EREG: variants seen among roughly 807,000 people sequenced by gnomAD.
The protein encoded by EREG is epiregulin.
EREG carries 23 observed loss-of-function variants against 22.4 expected under a neutral mutation model. That is an observed-to-expected ratio of 1.03 (90% CI 0.74 to 1.46). EREG has a LOEUF of 1.46. EREG is among the 40% of genes most tolerant of loss of function. The pLI is 0.00. For missense variants in EREG, 226 were observed against 205.9 expected, an observed-to-expected ratio of 1.10 and a Z score of -0.60; for synonymous variants, 100 against 75.4, an observed-to-expected ratio of 1.33 and a Z score of -1.69.
rs1355020650 is a variant in EREG at position 74,386,433 on chromosome 4, CA to C, written c.*1626del. 6.6e-6 allele frequency: 1 copy of C among 152,188 alleles called. No homozygotes were observed. Among genetic ancestry groups the C allele is most frequent in the Admixed American group, 6.5e-5 (1 of 15,278 alleles). 9.4% of individuals were successfully genotyped at this position (152,188 alleles called of 1,614,324 possible). A position where few individuals can be genotyped will look rare whatever the true frequency, so the allele number is the denominator to read the frequency against. On this transcript the variant is annotated 3_prime_UTR_variant, in exon 5 of 5. Coordinates refer to ENST00000244869, the MANE Select transcript of EREG (RefSeq NM_001432.3). ...TGGCCCTTACTATTAGGAAAATAAACAGACAAAAACAAGTAAATATATATGG... is the reference window on the plus strand; with the variant it reads ...TGGCCCTTACTATTAGGAAAATAAACGACAAAAACAAGTAAATATATATGG...
chr4:74,379,755 T>A (rs541401326), intron 2 of EREG, among the ~76,000 whole-genome samples: 1 of 152,308 alleles, frequency 6.6e-6, no homozygotes, highest in East Asian at 1.9e-4. Context: ...GATTTGATTG[T>A]GAAGAGATAG....
intron 4 of EREG, 138 bp from the exon 5 acceptor site, chr4:74,384,589 A>G: frequency 4.6e-6 from 2 of 435,410 alleles, no homozygotes; most frequent in Non-Finnish European, 4.1e-6. Context: ...TTTTTTTTTA[A>G]CATTGTCCAA....
At chr4:74,371,926 T>G (rs894038872) in intron 1 of EREG, among the ~76,000 whole-genome samples, 3 of 152,018 alleles carry the variant, frequency 2.0e-5, no homozygotes, top group Non-Finnish European at 4.4e-5. Flanking sequence ...CACCCTTAGG[T>G]GTCCAACTTC....
chr4:74,378,267 G>C (rs1752415139), intron 1 of EREG, among the ~76,000 whole-genome samples: 1 of 152,110 alleles, frequency 6.6e-6, no homozygotes, highest in African/African-American at 2.4e-5. Context: ...ATTTTCAGGA[G>C]TAGGAAGTCA....
chr4:74,367,149 G>T (rs1752200030), intron 1 of EREG, among the ~76,000 whole-genome samples: 1 of 152,172 alleles, frequency 6.6e-6, no homozygotes, highest in Non-Finnish European at 1.5e-5. Context: ...TATGACTAGG[G>T]AATAAAGTTC....
intron 1 of EREG, among the ~76,000 whole-genome samples, chr4:74,379,063 GCC>G (rs1752431597): frequency 6.6e-6 from 1 of 152,092 alleles, no homozygotes; most frequent in Admixed American, 6.6e-5. Flanking sequence ...TTTATTTAGA[GCC>G]TTTTTTTGTG....
chr4:74,371,918 C>T (rs1472048181), intron 1 of EREG, among the ~76,000 whole-genome samples: 1 of 151,940 alleles, frequency 6.6e-6, no homozygotes, highest in African/African-American at 2.4e-5. Context: ...TTCCTTACCA[C>T]CCTTAGGTGT....
intron 1 of EREG, among the ~76,000 whole-genome samples, chr4:74,371,988 A>T (rs1166117982): frequency 6.6e-6 from 1 of 151,860 alleles, no homozygotes; most frequent in East Asian, 1.9e-4. Context: ...TTTTCTTTCC[A>T]GTGTTTTGTT....
At chr4:74,378,746 T>C (rs1021940688) in intron 1 of EREG, among the ~76,000 whole-genome samples, 37 of 152,316 alleles carry the variant, frequency 2.4e-4, no homozygotes, top group African/African-American at 8.7e-4. Flanking sequence ...AGAAAGTACT[T>C]GAGTCATTCT....
At chr4:74,377,162 A>T (rs1288750926) in intron 1 of EREG, among the ~76,000 whole-genome samples, 4 of 131,914 alleles carry the variant, frequency 3.0e-5, no homozygotes, top group Non-Finnish European at 6.2e-5. Context: ...ATTTCAGAAA[A>T]AAAAAAAAAA....
In EREG at chr4:74,384,840, CA is replaced by C. The variant is rs1560600614; in HGVS notation, c.*33del. 1.5e-6 allele frequency: 2 copies of C among 1,333,476 alleles called. No individual in the cohort carries two copies. Among genetic ancestry groups the C allele is most frequent in the Non-Finnish European group, 2.2e-6 (2 of 929,276 alleles). The allele number at this position is 1,333,476 out of a possible 1,614,324, so 82.6% of individuals were successfully genotyped here. ...CCATCAAACTTATGGGCAGGGATAA[CA>C]GTGTGCCTGGTTAATATTAATATTC... On this transcript the variant is annotated 3_prime_UTR_variant, in exon 5 of 5. Transcript: ENST00000244869.
rs1752598403 is a variant in EREG, at chr4:74,387,893, A to C, written c.*3085A>C. On this transcript the variant is annotated 3_prime_UTR_variant, in exon 5 of 5. Coordinates refer to ENST00000244869, the MANE Select transcript of EREG (RefSeq NM_001432.3). Reference sequence around the variant, plus strand: ...AACTAGTACTCAAGGTTTAACCTTAAAATTAAGATTTCCTTAACCTTAACC... The same window carrying C: ...AACTAGTACTCAAGGTTTAACCTTACAATTAAGATTTCCTTAACCTTAACC... 6.6e-6 allele frequency: 1 copy of C among 152,244 alleles called. No individual in the cohort carries two copies. Among genetic ancestry groups the C allele is most frequent in the Non-Finnish European group, 1.5e-5 (1 of 68,038 alleles). The allele number at this position is 152,244 out of a possible 1,614,324, so 9.4% of individuals were successfully genotyped here.
At position 74,382,663 on chromosome 4, in the gene EREG, T is replaced by C; in HGVS notation, c.297T>C (p.Thr99=). ...CCTTCAGGTGTGAAGTGGGTTATAC[T>C]GGTGTCCGATGTGAACACTTCTTTT... is the stretch of plus-strand genomic sequence containing the variant. ...QNYCRCEVGY[T]GVRCEHFFLT... The change falls in exon 4 of 5, where the codon ACT becomes ACC. Residue 99 remains threonine (T), a synonymous_variant. Coordinates refer to ENST00000244869, the MANE Select transcript of EREG (RefSeq NM_001432.3). 2 of 1,609,354 alleles carry C rather than the reference T, an allele frequency of 1.2e-6. No individual in the cohort carries two copies. Among genetic ancestry groups the C allele is most frequent in the Non-Finnish European group, 8.5e-7 (1 of 1,178,314 alleles).
chr4:74,382,448 C>T (rs1449611460), intron 3 of EREG, 197 bp from the exon 4 acceptor site: 2 of 473,118 alleles, frequency 4.2e-6, no homozygotes, highest in African/African-American at 3.9e-5. Flanking sequence ...TTTAATACTA[C>T]AATTTAGTCC....
At chr4:74,367,257 T>A (rs1035041210) in intron 1 of EREG, among the ~76,000 whole-genome samples, 1 of 152,216 alleles carries the variant, frequency 6.6e-6, no homozygotes, top group Non-Finnish European at 1.5e-5. Flanking sequence ...GCTCTTGTTT[T>A]ATAAATTGGG....
chr4:74,384,453 C>A (rs1229769820), intron 4 of EREG, among the ~76,000 whole-genome samples: 1 of 152,080 alleles, frequency 6.6e-6, no homozygotes, highest in East Asian at 1.9e-4. Context: ...TGGCCACACG[C>A]CTCTTGGAAT....
At chr4:74,367,622 A>G (rs1417228162) in intron 1 of EREG, among the ~76,000 whole-genome samples, 1 of 152,208 alleles carries the variant, frequency 6.6e-6, no homozygotes, top group African/African-American at 2.4e-5. Flanking sequence ...CAGAAGAAAT[A>G]TTCTTTTTTG....
intron 1 of EREG, among the ~76,000 whole-genome samples, chr4:74,375,381 C>G (rs1001510837): frequency 7.5e-6 from 1 of 133,786 alleles, no homozygotes; most frequent in Non-Finnish European, 1.5e-5. Flanking sequence ...TGCAGTGGCG[C>G]GATCTCCGCT....
chr4:74,366,353 G>C (rs1314120646), intron 1 of EREG, among the ~76,000 whole-genome samples: 1 of 152,090 alleles, frequency 6.6e-6, no homozygotes, highest in Non-Finnish European at 1.5e-5. Context: ...GGATGTGACT[G>C]TTAAATTATT....
Sources: allele counts gnomAD v4.1 joint callset (sites outside exome capture counted in the v4.1 genomes callset), GRCh38; gene constraint gnomAD v4.1.1; transcripts MANE v1.5; gene names NCBI Gene and HGNC (gene_info 2026-07-23, HGNC 2026-07-21).